IDH2: variants seen among roughly 807,000 people sequenced by gnomAD.
IDH2 encodes the protein isocitrate dehydrogenase [NADP], mitochondrial.
A neutral mutation model predicts 50.5 loss-of-function variants in IDH2; 18 were observed. The observed-to-expected ratio is 0.36, with a 90% CI of 0.25 to 0.53. The LOEUF (loss-of-function observed/expected upper bound fraction) is 0.53, where lower values mean the gene tolerates loss of function less well. IDH2 is among the 20% of genes least tolerant of loss of function. The pLI, the probability that IDH2 is intolerant of heterozygous loss-of-function variation, is 0.92. For synonymous variants in IDH2, 280 were observed against 239.8 expected (o/e 1.17, Z -1.55); for missense variants, 518 against 610.7 (o/e 0.85, Z 1.60).
At chr15:90,088,013 G>C (rs1192837018) in intron 5 of IDH2, among the ~76,000 whole-genome samples, 2 of 152,008 alleles carry the variant, frequency 1.3e-5, no homozygotes, top group Admixed American at 6.6e-5. Context: ...GCTGGAACTG[G>C]GGATAAAGAG....
intron 3 of IDH2, 52 bp from the exon 4 acceptor site, chr15:90,088,799 A>G (rs540124457): frequency 6.2e-7 from 1 of 1,605,994 alleles, no homozygotes; most frequent in Admixed American, 1.7e-5. Flanking sequence ...TCTTTCAACC[A>G]GAATTTGAAC....
At chr15:90,095,925 T>C (rs989389143) in intron 1 of IDH2, among the ~76,000 whole-genome samples, 2 of 152,134 alleles carry the variant, frequency 1.3e-5, no homozygotes, top group Non-Finnish European at 2.9e-5. Flanking sequence ...ACTGGTTTTT[T>C]AAAAAAATCT....
At position 90,095,734 on chromosome 15, in the gene IDH2, C is replaced by G. The variant is rs543348955; in HGVS notation, c.116-4090G>C. Among the ~76,000 whole-genome samples, 207 of 152,310 alleles carry G rather than the reference C, an allele frequency of 1.4e-3. 1 individual carries two copies. The highest frequency in any genetic ancestry group is 4.7e-3 in the African/African-American group (196 of 41,548). ...GGATACTGAAATGCCTAAAACACAA[C>G]AGTGCCTGCCCGGAGGCAGTGAATG... On this transcript the variant is annotated intron_variant, in intron 1 of 10. Transcript: ENST00000330062.
Position 90,083,119 on chromosome 15 carries a change from ATTTTTTTTTT to A in IDH2, c.*1137_*1146del, listed in dbSNP as rs59583363. 9 of 62,702 alleles carry A rather than the reference ATTTTTTTTTT, an allele frequency of 1.4e-4. No homozygotes were observed. The highest frequency in any genetic ancestry group is 1.2e-3 in the East Asian group (2 of 1,634). The allele number at this position is 62,702 out of a possible 1,614,324, so 3.9% of individuals were successfully genotyped here. A position where few individuals can be genotyped will look rare whatever the true frequency, so the allele number is the denominator to read the frequency against. ...GGGGCTAAAAAACTTGCATAGAGCA[ATTTTTTTTTT>A]TTTTTTTTTTTTTTTTTTTTTGAGA... On this transcript the variant is annotated 3_prime_UTR_variant, in exon 11 of 11. Transcript: ENST00000330062.
chr15:90,101,964 G>A (rs1901344702), intron 1 of IDH2, among the ~76,000 whole-genome samples: 1 of 151,912 alleles, frequency 6.6e-6, no homozygotes. Context: ...TCGGGTCCGG[G>A]ACACTCTCAG....
At chr15:90,087,398 G>T (rs77211768) in intron 6 of IDH2, 41 bp downstream of exon 6, 1 of 1,613,768 alleles carries the variant, frequency 6.2e-7, no homozygotes, top group Non-Finnish European at 8.5e-7. Context: ...AGCATGGGGG[G>T]AAGGGAAGAA....
chr15:90,085,448 C>T lies in IDH2; in HGVS notation c.968-61G>A. ...CTCTCCTGGGGCCACCCAGCTGAGCCCTGCTGCCCTCTACAACCCAATATT... is the reference window on the plus strand; with the variant it reads ...CTCTCCTGGGGCCACCCAGCTGAGCTCTGCTGCCCTCTACAACCCAATATT... On this transcript the variant is annotated intron_variant, in intron 7 of 10. Transcript: ENST00000330062. The surrounding 1 kb of genome is among the most constrained non-coding windows in gnomAD (Gnocchi z 5.5). The T allele has an allele frequency of 8.5e-7, 1 of 1,173,410 alleles. No homozygotes were observed. The highest frequency in any genetic ancestry group is 1.2e-6 in the Non-Finnish European group (1 of 805,344). The allele number at this position is 1,173,410 out of a possible 1,614,324, so 72.7% of individuals were successfully genotyped here.
chr15:90,096,362 T>C (rs1380206433), intron 1 of IDH2, among the ~76,000 whole-genome samples: 2 of 151,940 alleles, frequency 1.3e-5, no homozygotes, highest in South Asian at 2.1e-4. Context: ...AAAGATGATA[T>C]ACAAATGGCC....
At chr15:90,092,345 C>A (rs903990677) in intron 1 of IDH2, among the ~76,000 whole-genome samples, 6 of 151,226 alleles carry the variant, frequency 4.0e-5, no homozygotes, top group African/African-American at 1.5e-4. Context: ...TTACTTACTT[C>A]CTTTCCTTTC....
Position 90,102,403 on chromosome 15 carries a change from A to G in IDH2, c.-13T>C, listed in dbSNP as rs1394251666. On this transcript the variant is annotated 5_prime_UTR_variant, in exon 1 of 11. Coordinates refer to ENST00000330062, the MANE Select transcript of IDH2 (RefSeq NM_002168.4). ...GGTAGCCGGCCATCCCAAGCTGGAG[A>G]GCGAACGAGCAGGGCGGGAGAGGTC... is the stretch of plus-strand genomic sequence containing the variant. 6.1e-6 allele frequency: 8 copies of G among 1,318,414 alleles called. No individual in the cohort carries two copies. The highest frequency in any genetic ancestry group is 9.8e-7 in the Non-Finnish European group (1 of 1,019,784). The allele number at this position is 1,318,414 out of a possible 1,614,324, so 81.7% of individuals were successfully genotyped here.
At chr15:90,091,395 GT>G (rs1226471402) in intron 2 of IDH2, among the ~76,000 whole-genome samples, 157 bp downstream of exon 2, 1 of 152,234 alleles carries the variant, frequency 6.6e-6, no homozygotes, top group Non-Finnish European at 1.5e-5. Context: ...TGGACCAGAT[GT>G]GAAAGAAGGG....
intron 7 of IDH2, among the ~76,000 whole-genome samples, chr15:90,086,693 G>A (rs541842775): frequency 5.9e-5 from 9 of 152,220 alleles, no homozygotes; most frequent in Non-Finnish European, 1.3e-4. Context: ...GACACCCTAG[G>A]GCTTGGGGGT....
chr15:90,092,986 C>G (rs991235756), intron 1 of IDH2, among the ~76,000 whole-genome samples: 1 of 152,206 alleles, frequency 6.6e-6, no homozygotes, highest in African/African-American at 2.4e-5. Flanking sequence ...TACCCAAAAA[C>G]ATGCCCAGCC....
rs28547012 is a variant in IDH2, at chr15:90,090,184, A to G, written c.373+295T>C. ...ACCACTGGCCTGGGAGATGGAAGAC[A>G]TGGATTCTGTTCTCAGCTCTGCTGT... On this transcript the variant is annotated intron_variant, in intron 3 of 10. Coordinates refer to ENST00000330062, the MANE Select transcript of IDH2 (RefSeq NM_002168.4). 0.35 allele frequency among the ~76,000 whole-genome samples: 53,330 copies of G among 152,018 alleles called. 10,320 individuals carry two copies. Among genetic ancestry groups the G allele is most frequent in the African/African-American group, 0.53 (21,953 of 41,424 alleles).
Position 90,087,581 on chromosome 15 carries a change from G to C in IDH2, c.679-6C>G. On this transcript the variant is annotated splice_region_variant and splice_polypyrimidine_tract_variant and intron_variant, in intron 5 of 10. Coordinates refer to ENST00000330062, the MANE Select transcript of IDH2 (RefSeq NM_002168.4). ...TGCGCAAAACCTGAGATGGACTGCA[G>C]GGGGAGAGACAGGGCCCTGGCGTGG... 5.0e-6 allele frequency: 8 copies of C among 1,612,940 alleles called. 1 individual carries two copies. In the South Asian group the frequency reaches 7.7e-5, roughly 16 times the overall value.
rs1391978279 is a variant in IDH2 at position 90,102,430 on chromosome 15, G to T, written c.-40C>A. On this transcript the variant is annotated 5_prime_UTR_variant, in exon 1 of 11. Coordinates refer to ENST00000330062, the MANE Select transcript of IDH2 (RefSeq NM_002168.4). ...CGAACGAGCAGGGCGGGAGAGGTCC[G>T]AGCGCGCGCCGCTCCTCCCGGCTGC... The T allele has an allele frequency of 1.8e-6, 2 of 1,137,416 alleles. No homozygotes were observed. The highest frequency in any genetic ancestry group is 3.1e-5 in the South Asian group (1 of 31,944). 70.5% of individuals were successfully genotyped at this position (1,137,416 alleles called of 1,614,324 possible). A position where few individuals can be genotyped will look rare whatever the true frequency, so the allele number is the denominator to read the frequency against.
At chr15:90,086,383 CTTTATTT>C (rs747303545) in intron 7 of IDH2, among the ~76,000 whole-genome samples, 68 of 152,188 alleles carry the variant, frequency 4.5e-4, no homozygotes, top group African/African-American at 1.4e-3. Context: ...CTCACCTATA[CTTTATTT>C]TTTATTTTTT....
At chr15:90,099,129 G>C (rs1221150752) in intron 1 of IDH2, among the ~76,000 whole-genome samples, 1 of 152,130 alleles carries the variant, frequency 6.6e-6, no homozygotes, top group Non-Finnish European at 1.5e-5. Flanking sequence ...CCTGAAGCTA[G>C]AATGCTCCCG....
rs546995994 is a variant in IDH2, at chr15:90,098,326, G to C, written c.115+3950C>G. 1.9e-3 allele frequency among the ~76,000 whole-genome samples: 287 copies of C among 152,296 alleles called. 3 individuals are homozygous for C. Among genetic ancestry groups the C allele is most frequent in the Non-Finnish European group, 3.2e-3 (215 of 68,028 alleles). On this transcript the variant is annotated intron_variant, in intron 1 of 10. Coordinates refer to ENST00000330062, the MANE Select transcript of IDH2 (RefSeq NM_002168.4). This position sits in a 1 kb window ranked among gnomAD's most constrained non-coding sequence, Gnocchi z 5.1. ...TGGCTTCTTGCTGCTCCCAGCAGGA[G>C]GCTAGAGGTCCAGCCGCAGGCAGCC...
Sources: allele counts gnomAD v4.1 joint callset (sites outside exome capture counted in the v4.1 genomes callset), GRCh38; gene constraint gnomAD v4.1.1; non-coding constraint Gnocchi (gnomAD v3.1); transcripts MANE v1.5; gene names NCBI Gene and HGNC (gene_info 2026-07-23, HGNC 2026-07-21).